CFAP299: variants seen among roughly 807,000 people sequenced by gnomAD.
CFAP299 encodes the protein cilia- and flagella-associated protein 299.
In CFAP299, 21 loss-of-function variants were observed where a neutral mutation model predicts 27.0. The ratio of observed to expected loss-of-function variants is 0.78; its 90% CI spans 0.55 to 1.12. The LOEUF (loss-of-function observed/expected upper bound fraction) is 1.12, where lower values mean the gene tolerates loss of function less well. Among genes scored for constraint, CFAP299 ranks in the 50% most tolerant of loss-of-function variants. CFAP299 has a pLI of 0.00. For missense variants in CFAP299, 310 were observed against 276.6 expected, an observed-to-expected ratio of 1.12 and a Z score of -0.86; for synonymous variants, 104 against 98.1, an observed-to-expected ratio of 1.06 and a Z score of -0.36.
At chr4:80,647,625 T>A (rs531863922) in intron 3 of CFAP299, among the ~76,000 whole-genome samples, 24 of 152,180 alleles carry the variant, frequency 1.6e-4, no homozygotes, top group Non-Finnish European at 2.9e-4. Flanking sequence ...GCACTCTGCC[T>A]TTTTTAGTTG....
intron 1 of CFAP299, among the ~76,000 whole-genome samples, chr4:80,352,953 A>G (rs1219062300): frequency 1.3e-5 from 2 of 152,266 alleles, no homozygotes; most frequent in South Asian, 2.1e-4. Context: ...AAAAGTTTAT[A>G]TGGGGAAAGG....
At chr4:80,769,360 A>G in intron 3 of CFAP299, among the ~76,000 whole-genome samples, 1 of 152,174 alleles carries the variant, frequency 6.6e-6, no homozygotes, top group Non-Finnish European at 1.5e-5. Context: ...GTTACTATAC[A>G]ATAAAATACT....
At chr4:80,520,524 T>C (rs1441836734) in intron 2 of CFAP299, among the ~76,000 whole-genome samples, 1 of 152,170 alleles carries the variant, frequency 6.6e-6, no homozygotes, top group Non-Finnish European at 1.5e-5. Flanking sequence ...TAAGGTGCCA[T>C]CATTAAACAC....
intron 3 of CFAP299, among the ~76,000 whole-genome samples, chr4:80,687,419 A>C (rs1720275792): frequency 6.6e-6 from 1 of 152,172 alleles, no homozygotes; most frequent in African/African-American, 2.4e-5. Context: ...GACCTATGGA[A>C]GATAAAATTA....
chr4:80,650,962 G>T (rs1224816249), intron 3 of CFAP299, among the ~76,000 whole-genome samples: 2 of 151,546 alleles, frequency 1.3e-5, no homozygotes, highest in Non-Finnish European at 2.9e-5. Context: ...CACTACTAAA[G>T]AACTTACTCA....
chr4:80,449,247 A>G (rs926168778), intron 2 of CFAP299, among the ~76,000 whole-genome samples: 4 of 152,188 alleles, frequency 2.6e-5, no homozygotes, highest in Non-Finnish European at 5.9e-5. Context: ...ATAGAGATGA[A>G]ATATTATATA....
Position 80,894,639 on chromosome 4 carries a change from A to T in CFAP299, c.476+24504A>T, listed in dbSNP as rs145506833. Among the ~76,000 whole-genome samples, 707 of 152,076 alleles carry T rather than the reference A, an allele frequency of 4.6e-3. 7 individuals carry two copies. The East Asian group carries it at 0.051, about 11-fold the overall frequency. Reference sequence around the variant, plus strand: ...TGAAAAATATTGTGGAGATTCCTTAAAAAATTTAAAAAATCTAACTACTAT... The same window carrying T: ...TGAAAAATATTGTGGAGATTCCTTATAAAATTTAAAAAATCTAACTACTAT... On this transcript the variant is annotated intron_variant, in intron 4 of 5. Transcript: ENST00000358105.
intron 3 of CFAP299, among the ~76,000 whole-genome samples, chr4:80,659,002 A>G (rs1403617027): frequency 6.6e-6 from 1 of 152,156 alleles, no homozygotes; most frequent in Non-Finnish European, 1.5e-5. Flanking sequence ...TACACAGAAT[A>G]AAAGACCATG....
chr4:80,541,198 G>A lies in CFAP299; in HGVS notation c.243-41895G>A, dbSNP rs147187976. 3.5e-3 allele frequency among the ~76,000 whole-genome samples: 538 copies of A among 152,192 alleles called. 14 individuals are homozygous for A. Among genetic ancestry groups the A allele is most frequent in the Admixed American group, 0.032 (485 of 15,290 alleles). On this transcript the variant is annotated intron_variant, in intron 2 of 5. Coordinates refer to ENST00000358105, the MANE Select transcript of CFAP299 (RefSeq NM_152770.3). ...AAGATAACTGTGAGAAATACCATAC[G>A]TAAAGATTTTTCCGACTCCTTAGAC... is the stretch of plus-strand genomic sequence containing the variant.
chr4:80,800,620 A>G, intron 3 of CFAP299, among the ~76,000 whole-genome samples: 1 of 101,654 alleles, frequency 9.8e-6, no homozygotes, highest in East Asian at 2.4e-4. Context: ...ATAATATATA[A>G]TATATTAATA....
intron 3 of CFAP299, among the ~76,000 whole-genome samples, chr4:80,624,419 A>AG (rs1170481151): frequency 6.6e-6 from 1 of 151,992 alleles, no homozygotes; most frequent in African/African-American, 2.4e-5. Context: ...GTGAAACTGA[A>AG]GGGGGATTAT....
At chr4:80,739,004 T>TAAAC (rs947491553) in intron 3 of CFAP299, among the ~76,000 whole-genome samples, 1 of 152,044 alleles carries the variant, frequency 6.6e-6, no homozygotes, top group Non-Finnish European at 1.5e-5. Context: ...ACAAATTGCA[T>TAAAC]AAACAAACAA....
At chr4:80,824,996 G>A (rs772326327) in intron 3 of CFAP299, among the ~76,000 whole-genome samples, 3 of 151,810 alleles carry the variant, frequency 2.0e-5, no homozygotes, top group Non-Finnish European at 2.9e-5. Flanking sequence ...AAGATACTCA[G>A]AGAACTAAAT....
chr4:80,497,849 C>G (rs1350360521), intron 2 of CFAP299, among the ~76,000 whole-genome samples: 1 of 152,154 alleles, frequency 6.6e-6, no homozygotes, highest in Non-Finnish European at 1.5e-5. Flanking sequence ...TACTACCCAA[C>G]TTCGAAGTAT....
chr4:80,513,866 A>G (rs547125635), intron 2 of CFAP299, among the ~76,000 whole-genome samples: 1 of 152,250 alleles, frequency 6.6e-6, no homozygotes, highest in South Asian at 2.1e-4. Context: ...CATATACACT[A>G]TGGAAGAATT....
At chr4:80,797,029 C>T (rs1727904410) in intron 3 of CFAP299, among the ~76,000 whole-genome samples, 1 of 152,242 alleles carries the variant, frequency 6.6e-6, no homozygotes, top group Non-Finnish European at 1.5e-5. Flanking sequence ...CCATTAATTA[C>T]CTGACCTCCA....
intron 2 of CFAP299, among the ~76,000 whole-genome samples, chr4:80,425,777 A>G (rs1421743402): frequency 6.6e-6 from 1 of 152,112 alleles, no homozygotes; most frequent in Non-Finnish European, 1.5e-5. Context: ...CTTTTTGTGG[A>G]GTTGTTAGTA....
chr4:80,572,533 T>TTTTTTTTTTTTTTG (rs1735640608), intron 2 of CFAP299, among the ~76,000 whole-genome samples: 1 of 140,426 alleles, frequency 7.1e-6, no homozygotes, highest in Non-Finnish European at 1.5e-5. Context: ...TTTTTTTTTT[T>TTTTTTTTTTTTTTG]TTGAGAGGGA....
rs369911141 is a variant in CFAP299 at position 80,819,964 on chromosome 4, ATGT to A, written c.334-50012_334-50010del. Among the ~76,000 whole-genome samples, 14 of 152,112 alleles carry A rather than the reference ATGT, an allele frequency of 9.2e-5. 1 individual carries two copies. Among genetic ancestry groups the A allele is most frequent in the African/African-American group, 2.4e-4 (10 of 41,536 alleles). On this transcript the variant is annotated intron_variant, in intron 3 of 5. Coordinates refer to ENST00000358105, the MANE Select transcript of CFAP299 (RefSeq NM_152770.3). ...AAACTAAGACCTTTTTCCCCTTCTT[ATGT>A]TGTTGTTGTTGTTGTTTTTGTTTTT...
Sources: allele counts gnomAD v4.1 joint callset (sites outside exome capture counted in the v4.1 genomes callset), GRCh38; gene constraint gnomAD v4.1.1; transcripts MANE v1.5; gene names NCBI Gene and HGNC (gene_info 2026-07-23, HGNC 2026-07-21).